PDE10A: variants seen among roughly 807,000 people sequenced by gnomAD.
The protein encoded by PDE10A is phosphodiesterase 10A.
A neutral mutation model predicts 97.7 loss-of-function variants in PDE10A; 39 were observed. The ratio of observed to expected loss-of-function variants is 0.40; its 90% confidence interval spans 0.31 to 0.52. The LOEUF (loss-of-function observed/expected upper bound fraction) is 0.52. Ranked by LOEUF, PDE10A falls within the 20% of genes least tolerant of loss-of-function variation. The pLI, the probability that PDE10A is intolerant of heterozygous loss-of-function variation, is 0.56. For missense variants in PDE10A, 731 were observed against 1,047.8 expected (o/e 0.70, Z 4.17); for synonymous variants, 371 against 376.8 (o/e 0.98, Z 0.18).
chr6:165,782,794 A>G (rs1778379080), intron 1 of PDE10A, among the ~76,000 whole-genome samples: 1 of 152,202 alleles, frequency 6.6e-6, no homozygotes, highest in Non-Finnish European at 1.5e-5. Flanking sequence ...ATGCATGGTG[A>G]CTTAATGGGT....
chr6:165,366,834 A>G (rs1441525469), intron 18 of PDE10A, among the ~76,000 whole-genome samples: 4 of 152,230 alleles, frequency 2.6e-5, no homozygotes, highest in Admixed American at 2.6e-4. Flanking sequence ...ATACTCATAT[A>G]TTTAGGATGA....
intron 1 of PDE10A, among the ~76,000 whole-genome samples, chr6:165,901,768 C>T (rs568801074): frequency 5.3e-4 from 81 of 152,072 alleles, no homozygotes; most frequent in African/African-American, 1.9e-3. Context: ...CGCCGTTGCA[C>T]TGGTCTGGGC....
intron 1 of PDE10A, among the ~76,000 whole-genome samples, chr6:165,864,178 GAA>G (rs11295942): frequency 5.0e-4 from 75 of 151,464 alleles, no homozygotes; most frequent in African/African-American, 1.5e-3. Flanking sequence ...TCCTTTATAA[GAA>G]AAAAAAAATC....
At chr6:165,349,664 T>C (rs1037564041) in intron 18 of PDE10A, among the ~76,000 whole-genome samples, 8 of 152,196 alleles carry the variant, frequency 5.3e-5, no homozygotes, top group East Asian at 1.9e-4. Flanking sequence ...AAGACCTTCA[T>C]GGCAGCTCCT....
chr6:165,369,413 C>G (rs1442544873), intron 18 of PDE10A, among the ~76,000 whole-genome samples: 5 of 151,482 alleles, frequency 3.3e-5, no homozygotes, highest in Admixed American at 6.6e-5. Context: ...AACCAAGGCT[C>G]AAGAACTACG....
intron 1 of PDE10A, among the ~76,000 whole-genome samples, chr6:165,905,904 T>C (rs1188152591): frequency 3.3e-5 from 5 of 152,014 alleles, no homozygotes; most frequent in African/African-American, 1.2e-4. Context: ...TATACGTTCT[T>C]GTAATTGAGA....
intron 2 of PDE10A, among the ~76,000 whole-genome samples, chr6:165,510,360 C>T (rs1417801738): frequency 1.3e-5 from 2 of 152,110 alleles, no homozygotes; most frequent in African/African-American, 4.8e-5. Flanking sequence ...ACCATCCTTG[C>T]ATCCCTAGTA....
intron 18 of PDE10A, among the ~76,000 whole-genome samples, chr6:165,350,178 G>T (rs1049521798): frequency 6.6e-6 from 1 of 152,238 alleles, no homozygotes; most frequent in African/African-American, 2.4e-5. Flanking sequence ...GCCAGCCCAT[G>T]CAAGCAGCCG....
intron 16 of PDE10A, among the ~76,000 whole-genome samples, chr6:165,390,302 C>A (rs185198903): frequency 1.1e-3 from 166 of 152,232 alleles, no homozygotes; most frequent in African/African-American, 3.9e-3. Context: ...TCACTGGTGA[C>A]CTGGAGCAGG....
chr6:165,426,206 T>G (rs559288256), intron 10 of PDE10A, among the ~76,000 whole-genome samples: 1 of 152,286 alleles, frequency 6.6e-6, no homozygotes, highest in African/African-American at 2.4e-5. Context: ...CTTCTAAAAT[T>G]TAAATGTATT....
rs566710770 is a variant in PDE10A, at chr6:165,544,529, C to T, written c.866-961G>A. On this transcript the variant is annotated intron_variant, in intron 1 of 21. Transcript: ENST00000539869. ...AATTATTTTTACTACTGTATCTTTTCTGTGAATTATTTGAATAAATTACCC... is the reference window on the plus strand; with the variant it reads ...AATTATTTTTACTACTGTATCTTTTTTGTGAATTATTTGAATAAATTACCC... Among the ~76,000 whole-genome samples, 589 of 148,084 alleles carry T rather than the reference C, an allele frequency of 4.0e-3. 2 individuals carry two copies. The highest frequency in any genetic ancestry group is 6.2e-3 in the Non-Finnish European group (419 of 67,366).
intron 1 of PDE10A, among the ~76,000 whole-genome samples, chr6:165,694,301 C>A (rs1284374285): frequency 6.6e-6 from 1 of 152,244 alleles, no homozygotes; most frequent in Admixed American, 6.5e-5. Context: ...CCACGTTTAA[C>A]TGCAGTGGCC....
intron 1 of PDE10A, among the ~76,000 whole-genome samples, chr6:165,727,302 C>A (rs1041881402): frequency 2.0e-5 from 3 of 152,222 alleles, no homozygotes. Context: ...CTTAGGGTCA[C>A]GCTTCTGGCT....
chr6:165,386,023 C>A (rs1785277437), intron 17 of PDE10A, among the ~76,000 whole-genome samples: 1 of 152,098 alleles, frequency 6.6e-6, no homozygotes, highest in Non-Finnish European at 1.5e-5. Flanking sequence ...ATATCTGAAC[C>A]TATTCTCCCA....
At position 165,587,234 on chromosome 6, in the gene PDE10A, T is replaced by C. The variant is rs1271927555; in HGVS notation, c.866-43666A>G. Reference sequence around the variant, plus strand: ...GGAACAGGTCAATGCACAGAATATGTGGGTGGAGGAATGAAAGAAAGAAGT... The same window carrying C: ...GGAACAGGTCAATGCACAGAATATGCGGGTGGAGGAATGAAAGAAAGAAGT... On this transcript the variant is annotated intron_variant, in intron 1 of 21. Coordinates refer to ENST00000539869, the MANE Select transcript of PDE10A (RefSeq NM_001385079.1). Among the ~76,000 whole-genome samples the C allele has an allele frequency of 2.0e-5, 3 of 152,170 alleles. No homozygotes were observed. The East Asian group carries it at 5.8e-4, about 29-fold the overall frequency.
At chr6:165,839,901 ATCTCCAACTCCATCCC>A (rs1562762585) in intron 1 of PDE10A, among the ~76,000 whole-genome samples, 1 of 151,186 alleles carries the variant, frequency 6.6e-6, no homozygotes, top group Non-Finnish European at 1.5e-5. Flanking sequence ...CCCCATTCCC[ATCTCCAACTCCATCCC>A]CAACCTCATC....
At chr6:165,623,266 C>A (rs1788231154) in intron 1 of PDE10A, among the ~76,000 whole-genome samples, 1 of 152,198 alleles carries the variant, frequency 6.6e-6, no homozygotes, top group Non-Finnish European at 1.5e-5. Flanking sequence ...GCTGGGATTA[C>A]AGGCACCGGC....
intron 1 of PDE10A, among the ~76,000 whole-genome samples, chr6:165,651,733 T>C (rs1394610755): frequency 6.6e-6 from 1 of 152,230 alleles, no homozygotes; most frequent in East Asian, 1.9e-4. Context: ...TCATTTTTTT[T>C]CTTTTTATGA....
At chr6:165,845,929 C>T (rs1374319563) in intron 1 of PDE10A, among the ~76,000 whole-genome samples, 5 of 151,864 alleles carry the variant, frequency 3.3e-5, no homozygotes, top group Admixed American at 6.6e-5. Flanking sequence ...AAAAACAAAA[C>T]GAAAAAACCC....
Sources: gnomAD v4.1 joint callset for allele counts (sites outside exome capture counted in the v4.1 genomes callset) on GRCh38, gnomAD v4.1.1 for gene constraint, MANE v1.5 for transcripts, NCBI Gene and HGNC (gene_info 2026-07-23, HGNC 2026-07-21) for gene names.